WWP2: variants seen among roughly 807,000 people sequenced by gnomAD.
The protein encoded by WWP2 is NEDD4-like E3 ubiquitin-protein ligase WWP2.
A neutral mutation model predicts 121.0 loss-of-function variants in WWP2; 57 were observed. The ratio of observed to expected loss-of-function variants is 0.47; its 90% CI spans 0.38 to 0.59. The LOEUF (loss-of-function observed/expected upper bound fraction) is 0.59, where lower values mean the gene tolerates loss of function less well. WWP2 is among the 20% of genes least tolerant of loss of function. WWP2 has a pLI of 0.00. For missense variants in WWP2, 962 were observed against 1,158.9 expected (o/e 0.83, Z 2.47); for synonymous variants, 449 against 441.3 (o/e 1.02, Z -0.22).
chr16:69,767,319 G>A (rs555129215), intron 1 of WWP2, among the ~76,000 whole-genome samples: 1 of 152,310 alleles, frequency 6.6e-6, no homozygotes, highest in Non-Finnish European at 1.5e-5. Flanking sequence ...TAACCTTGTT[G>A]AGGTGAAGTG....
At chr16:69,798,486 T>C (rs989598600) in intron 2 of WWP2, among the ~76,000 whole-genome samples, 196 bp from the exon 3 acceptor site, 9 of 152,128 alleles carry the variant, frequency 5.9e-5, no homozygotes, top group Non-Finnish European at 1.2e-4. Context: ...AGGGATTTTT[T>C]TTTTTTTTTT....
intron 4 of WWP2, among the ~76,000 whole-genome samples, chr16:69,817,104 G>A (rs960781079): frequency 6.6e-6 from 1 of 152,220 alleles, no homozygotes; most frequent in East Asian, 1.9e-4. Flanking sequence ...GTTTTGGGGG[G>A]CATATAATCA....
rs1190694184 is a variant in WWP2 at position 69,935,006 on chromosome 16, A to G, written c.1843-847A>G. 1.3e-5 allele frequency among the ~76,000 whole-genome samples: 2 copies of G among 152,220 alleles called. No individual in the cohort carries two copies. Among genetic ancestry groups the G allele is most frequent in the East Asian group, 1.9e-4 (1 of 5,172 alleles). ...TGGGGAGGGGCGTCCCAGCGTCTGT[A>G]TTTAACTGGAAAGAGGGACACAATG... On this transcript the variant is annotated intron_variant, in intron 17 of 23. Coordinates refer to ENST00000359154, the MANE Select transcript of WWP2 (RefSeq NM_001270454.2). This position sits in a 1 kb window ranked among gnomAD's most constrained non-coding sequence, Gnocchi z 5.2.
At chr16:69,914,269 A>G (rs1392890112) in intron 9 of WWP2, among the ~76,000 whole-genome samples, 2 of 152,030 alleles carry the variant, frequency 1.3e-5, no homozygotes, top group African/African-American at 4.8e-5. Context: ...ATCCAGATTC[A>G]AACAGCTCAC....
At chr16:69,858,925 C>G (rs2057368086) in intron 6 of WWP2, among the ~76,000 whole-genome samples, 1 of 152,172 alleles carries the variant, frequency 6.6e-6, no homozygotes, top group African/African-American at 2.4e-5. Flanking sequence ...GGCACTGGAT[C>G]CCACAGAGTG....
At chr16:69,876,226 G>A (rs59057255) in intron 7 of WWP2, among the ~76,000 whole-genome samples, 6,432 of 152,228 alleles carry the variant, frequency 0.042, 218 homozygotes, top group East Asian at 0.15. Context: ...CCAAAGTGCT[G>A]GGATTGTAGG....
At chr16:69,795,541 CAT>C (rs1412176306) in intron 2 of WWP2, among the ~76,000 whole-genome samples, 1 of 149,304 alleles carries the variant, frequency 6.7e-6, no homozygotes, top group Non-Finnish European at 1.5e-5. Flanking sequence ...GCTATAGACA[CAT>C]AGAACAGAAA....
intron 1 of WWP2, among the ~76,000 whole-genome samples, chr16:69,778,702 T>C (rs4985528): frequency 0.85 from 125,845 of 147,896 alleles, 53,582 homozygotes; most frequent in Admixed American, 0.91. Flanking sequence ...AGTGCAGTGG[T>C]GCGATCTCGG....
Position 69,837,433 on chromosome 16 carries a change from T to TATTTTCAA in WWP2, c.341-2691_341-2690insTTTCAAAT, listed in dbSNP as rs2056897064. On this transcript the variant is annotated intron_variant, in intron 4 of 23. Transcript: ENST00000359154. ...ATGATGGCTTCTGAGCCTTCAAATA[T>TATTTTCAA]ATAATGATTCCACTGGAGACAATGA... 1.3e-5 allele frequency among the ~76,000 whole-genome samples: 2 copies of TATTTTCAA among 152,228 alleles called. 1 individual carries two copies. Among genetic ancestry groups the TATTTTCAA allele is most frequent in the Non-Finnish European group, 2.9e-5 (2 of 68,044 alleles).
chr16:69,768,326 C>G (rs2038777384), intron 1 of WWP2, among the ~76,000 whole-genome samples: 1 of 152,010 alleles, frequency 6.6e-6, no homozygotes, highest in South Asian at 2.1e-4. Flanking sequence ...AGGAAAATAC[C>G]AGCCAGGCAT....
intron 6 of WWP2, among the ~76,000 whole-genome samples, chr16:69,853,983 C>G (rs889953356): frequency 3.3e-5 from 5 of 152,030 alleles, no homozygotes; most frequent in Non-Finnish European, 7.4e-5. Context: ...GAAAGTGCAC[C>G]CATAGGAGGA....
At chr16:69,766,410 A>G (rs2038731986) in intron 1 of WWP2, among the ~76,000 whole-genome samples, 2 of 152,094 alleles carry the variant, frequency 1.3e-5, no homozygotes, top group African/African-American at 4.8e-5. Flanking sequence ...GGCAGGGTGG[A>G]TCCTGTCCAC....
chr16:69,863,500 G>A lies in WWP2; in HGVS notation c.576-8304G>A, dbSNP rs370746678. On this transcript the variant is annotated intron_variant, in intron 6 of 23. Coordinates refer to ENST00000359154, the MANE Select transcript of WWP2 (RefSeq NM_001270454.2). ...CTAAAAACACAAAAATTAGCTGGGCGAGGTGGCAGGCGCCTGTAATCCCAG... is the reference window on the plus strand; with the variant it reads ...CTAAAAACACAAAAATTAGCTGGGCAAGGTGGCAGGCGCCTGTAATCCCAG... Among the ~76,000 whole-genome samples the A allele has an allele frequency of 5.9e-5, 9 of 152,096 alleles. No individual in the cohort carries two copies. The East Asian group carries it at 9.6e-4, about 16-fold the overall frequency.
Position 69,930,142 on chromosome 16 carries a change from A to G in WWP2, c.1329A>G (p.Glu443=). The G allele has an allele frequency of 6.2e-7, 1 of 1,614,012 alleles. No individual in the cohort carries two copies. Among genetic ancestry groups the G allele is most frequent in the Non-Finnish European group, 8.5e-7 (1 of 1,179,942 alleles). ...CCCGTGTTTCCAGGATGATCCAGGAACCAGCTCTGCCCCCAGGATGGGAGA... is the reference window on the plus strand; with the variant it reads ...CCCGTGTTTCCAGGATGATCCAGGAGCCAGCTCTGCCCCCAGGATGGGAGA... ...EDPRTQGMIQ[E]PALPPGWEMK... Residue 443 remains glutamate, a synonymous_variant, in exon 13 of 24, where the codon GAA becomes GAG. Coordinates refer to ENST00000359154, the MANE Select transcript of WWP2 (RefSeq NM_001270454.2).
chr16:69,893,441 C>T (rs1287124359), intron 8 of WWP2, among the ~76,000 whole-genome samples: 1 of 152,170 alleles, frequency 6.6e-6, no homozygotes, highest in African/African-American at 2.4e-5. Flanking sequence ...ACAGCTATGA[C>T]AGCAATATTG....
At chr16:69,932,058 G>A (rs1380649258) in intron 16 of WWP2, among the ~76,000 whole-genome samples, 168 bp downstream of exon 16, 2 of 152,362 alleles carry the variant, frequency 1.3e-5, no homozygotes, top group East Asian at 1.9e-4. Context: ...CGCCAGGCGC[G>A]GTGGCTCACG....
At chr16:69,877,147 C>T (rs1273248231) in intron 7 of WWP2, among the ~76,000 whole-genome samples, 1 of 152,206 alleles carries the variant, frequency 6.6e-6, no homozygotes, top group African/African-American at 2.4e-5. Context: ...ATAGAAGGCT[C>T]TTTCGTCAAC....
At position 69,935,647 on chromosome 16, in the gene WWP2, G is replaced by A. The variant is rs1213828959; in HGVS notation, c.1843-206G>A. ...GTCCTTGCGGTCTGCAGGGCAGGGT[G>A]GGAGTCCCTCTGTAGGTACAAGTCA... On this transcript the variant is annotated intron_variant, in intron 17 of 23. Transcript: ENST00000359154. The surrounding 1 kb of genome is among the most constrained non-coding windows in gnomAD (Gnocchi z 5.2). Among the ~76,000 whole-genome samples, 1 of 152,214 alleles carries A rather than the reference G, an allele frequency of 6.6e-6. No homozygotes were observed. The highest frequency in any genetic ancestry group is 1.5e-5 in the Non-Finnish European group (1 of 68,046).
Position 69,888,154 on chromosome 16 carries a change from T to C in WWP2, c.819T>C (p.Pro273=). ...CGAATCCCAACACGACTTCTCTCCC[T>C]GCCCCAGCCACACCGGCTGAAGGAG... is the stretch of plus-strand genomic sequence containing the variant. ...VTPNPNTTSL[P]APATPAEGEE... Residue 273 remains proline, a synonymous_variant, in exon 8 of 24, where the codon CCT becomes CCC. Coordinates refer to ENST00000359154, the MANE Select transcript of WWP2 (RefSeq NM_001270454.2). 3.1e-6 allele frequency: 5 copies of C among 1,614,202 alleles called. No individual in the cohort carries two copies. The highest frequency in any genetic ancestry group is 4.2e-6 in the Non-Finnish European group (5 of 1,180,024).
Sources: allele counts gnomAD v4.1 joint callset (sites outside exome capture counted in the v4.1 genomes callset), GRCh38; gene constraint gnomAD v4.1.1; non-coding constraint Gnocchi (gnomAD v3.1); transcripts MANE v1.5; gene names NCBI Gene and HGNC (gene_info 2026-07-23, HGNC 2026-07-21).